XKR9: variants seen among roughly 807,000 people sequenced by gnomAD.
The protein encoded by XKR9 is XK-related protein 9.
In XKR9, 32 loss-of-function variants were observed where a neutral mutation model predicts 32.0. The observed-to-expected ratio is 1.00, with a 90% confidence interval of 0.76 to 1.34. The LOEUF (loss-of-function observed/expected upper bound fraction) is 1.34. XKR9 is among the 40% of genes most tolerant of loss of function. The pLI is 0.00. For synonymous variants in XKR9, 168 were observed against 143.4 expected (o/e 1.17, Z -1.22); for missense variants, 546 against 429.7 (o/e 1.27, Z -2.39).
At chr8:70,685,356 G>A (rs1482771655) in intron 3 of XKR9, among the ~76,000 whole-genome samples, 1 of 90,646 alleles carries the variant, frequency 1.1e-5, no homozygotes, top group Non-Finnish European at 1.9e-5. Flanking sequence ...GGGGTGGGGG[G>A]AGGGGGGAGG....
At chr8:70,859,887 C>A in the XKR9 span, among the ~76,000 whole-genome samples, 1 of 151,900 alleles carries the variant, frequency 6.6e-6, no homozygotes. Flanking sequence ...TGCAAATGTA[C>A]GTTTAAATGG....
chr8:70,741,993 A>C (rs1484394624), intron 2 of XKR9, among the ~76,000 whole-genome samples: 1 of 150,614 alleles, frequency 6.6e-6, no homozygotes, highest in African/African-American at 2.4e-5. Context: ...GATAATGGTC[A>C]CCCTAATGAA....
the XKR9 span, among the ~76,000 whole-genome samples, chr8:70,878,368 A>G: frequency 6.6e-6 from 1 of 152,168 alleles, no homozygotes; most frequent in African/African-American, 2.4e-5. Context: ...GCCAAATTGG[A>G]TAAAGAGTCA....
chr8:70,792,502 A>G (rs1396917741), downstream of XKR9, among the ~76,000 whole-genome samples: 1 of 152,146 alleles, frequency 6.6e-6, no homozygotes, highest in East Asian at 1.9e-4. Flanking sequence ...TGATGAATAA[A>G]TGAGGAAATC....
Position 70,681,074 on chromosome 8 carries a change from C to T in XKR9, c.16C>T (p.Gln6Ter). The T allele has an allele frequency of 1.2e-6, 2 of 1,611,218 alleles. No individual in the cohort carries two copies. Among genetic ancestry groups the T allele is most frequent in the Non-Finnish European group, 1.7e-6 (2 of 1,178,456 alleles). Residue 6 changes from glutamine (Q) to a stop codon, truncating the protein, a stop_gained, in exon 3 of 5, where the codon CAG becomes TAG. Coordinates refer to ENST00000408926, the MANE Select transcript of XKR9 (RefSeq NM_001011720.2). LOFTEE classifies it high-confidence loss of function. MKYTK[Q>*]NFMMSVLGII... ...GTCATTCGTAATGAAATATACTAAA[C>T]AGAATTTTATGATGTCAGTTCTTGG... is the stretch of plus-strand genomic sequence containing the variant.
At chr8:70,970,512 C>A in the XKR9 span, among the ~76,000 whole-genome samples, 1 of 152,036 alleles carries the variant, frequency 6.6e-6, no homozygotes, top group Non-Finnish European at 1.5e-5. Context: ...TGTTTCCCTC[C>A]CTATGTCCAT....
chr8:71,020,990 T>C, the XKR9 span, among the ~76,000 whole-genome samples: 1 of 152,184 alleles, frequency 6.6e-6, no homozygotes, highest in Non-Finnish European at 1.5e-5. Context: ...ACAAGAAGCA[T>C]GGTGCTGGCA....
chr8:70,943,382 G>A, the XKR9 span, among the ~76,000 whole-genome samples: 1 of 152,104 alleles, frequency 6.6e-6, no homozygotes, highest in African/African-American at 2.4e-5. Flanking sequence ...AAATGTTAAG[G>A]AAGTAAGAGG....
chr8:71,032,660 T>C, the XKR9 span, among the ~76,000 whole-genome samples: 103,240 of 152,060 alleles, frequency 0.68, 36,341 homozygotes, highest in East Asian at 0.94. Context: ...TCCAAATCTC[T>C]ATTTTTAACA....
intron 4 of XKR9, among the ~76,000 whole-genome samples, chr8:70,724,444 A>C (rs1563450236): frequency 2.0e-5 from 3 of 151,658 alleles, no homozygotes; most frequent in Non-Finnish European, 2.9e-5. Context: ...AAAAAAAAAA[A>C]AACTCCTGCA....
chr8:70,748,820 C>T (rs1379026709), intron 2 of XKR9, among the ~76,000 whole-genome samples: 2 of 152,120 alleles, frequency 1.3e-5, no homozygotes, highest in African/African-American at 4.8e-5. Context: ...ATGGACCAAT[C>T]AGCATGCACT....
At chr8:70,731,638 G>A (rs537492224) in intron 4 of XKR9, among the ~76,000 whole-genome samples, 1 of 152,174 alleles carries the variant, frequency 6.6e-6, no homozygotes, top group East Asian at 1.9e-4. Flanking sequence ...TCTCCTCTTG[G>A]TCCCCTGTTG....
chr8:70,709,221 G>A (rs1257404700), intron 4 of XKR9, among the ~76,000 whole-genome samples: 5 of 152,068 alleles, frequency 3.3e-5, no homozygotes, highest in Non-Finnish European at 7.4e-5. Context: ...ACACAGAAAA[G>A]GCTTTTGATA....
chr8:71,038,736 A>T, the XKR9 span, among the ~76,000 whole-genome samples: 1 of 126,358 alleles, frequency 7.9e-6, no homozygotes. Flanking sequence ...GTCCTAGCTC[A>T]TGTTCTCAAT....
In XKR9 at chr8:70,735,292, AT is replaced by A. The variant is rs1020508466; in HGVS notation, c.*874del. On this transcript the variant is annotated 3_prime_UTR_variant, in exon 5 of 5. Transcript: ENST00000408926. ...CAAGTCTCTCTCAACTGAAATTATA[AT>A]TTTTTGTTTCTATGAGTTTGAATAC... 6.6e-6 allele frequency: 1 copy of A among 151,724 alleles called. No homozygotes were observed. The highest frequency in any genetic ancestry group is 6.6e-5 in the Admixed American group (1 of 15,224). The allele number at this position is 151,724 out of a possible 1,614,324, so 9.4% of individuals were successfully genotyped here.
At chr8:70,794,243 C>G (rs1009266925), downstream of XKR9, among the ~76,000 whole-genome samples, 1 of 152,028 alleles carries the variant, frequency 6.6e-6, no homozygotes, top group Non-Finnish European at 1.5e-5. Flanking sequence ...TTAGTTCTAA[C>G]AGGTTTTTAT....
chr8:70,919,626 A>G, the XKR9 span, among the ~76,000 whole-genome samples: 1 of 152,142 alleles, frequency 6.6e-6, no homozygotes, highest in East Asian at 1.9e-4. Context: ...TTTCTCTAGA[A>G]GTCTTTTCTT....
chr8:71,043,739 T>C, the XKR9 span, among the ~76,000 whole-genome samples: 1 of 152,178 alleles, frequency 6.6e-6, no homozygotes, highest in Non-Finnish European at 1.5e-5. Flanking sequence ...TTTTCATAGC[T>C]TTTTTCCCTT....
the XKR9 span, among the ~76,000 whole-genome samples, chr8:70,819,692 T>C: frequency 6.6e-6 from 1 of 152,218 alleles, no homozygotes; most frequent in Non-Finnish European, 1.5e-5. Flanking sequence ...CTTTGTATCC[T>C]GGAAAGCTCT....
Sources: allele counts gnomAD v4.1 joint callset (sites outside exome capture counted in the v4.1 genomes callset), GRCh38; gene constraint gnomAD v4.1.1; transcripts MANE v1.5; gene names NCBI Gene and HGNC (gene_info 2026-07-23, HGNC 2026-07-21).